SLC6A16: variants seen among roughly 807,000 people sequenced by gnomAD.
SLC6A16 encodes the protein solute carrier family 6 member 16.
A neutral mutation model predicts 65.4 loss-of-function variants in SLC6A16; 54 were observed. The observed-to-expected ratio is 0.83, with a 90% CI of 0.66 to 1.04. The LOEUF is 1.04. Among genes scored for constraint, SLC6A16 ranks in the 50% least tolerant of loss-of-function variants. SLC6A16 has a pLI of 0.00. For missense variants in SLC6A16, 816 were observed against 914.0 expected (o/e 0.89, Z 1.38); for synonymous variants, 330 against 346.5 (o/e 0.95, Z 0.53).
chr19:49,320,060 G>A (rs1019545212), intron 1 of SLC6A16, among the ~76,000 whole-genome samples: 2 of 152,002 alleles, frequency 1.3e-5, no homozygotes, highest in South Asian at 2.1e-4. Context: ...ATTTATGGGA[G>A]GCAACAAAAG....
the SLC6A16 span, among the ~76,000 whole-genome samples, chr19:49,332,999 T>TC: frequency 6.6e-6 from 1 of 151,014 alleles, no homozygotes. Flanking sequence ...CTGTCTGTAC[T>TC]AAAAATACAA....
chr19:49,289,731 C>G lies in SLC6A16; in HGVS notation c.*392G>C. ...CAGGAAAACTGAACATCTGAGACAT[C>G]TATAGGAAAAAAAGATCTGCTTACA... On this transcript the variant is annotated 3_prime_UTR_variant, in exon 12 of 12. Coordinates refer to ENST00000335875, the MANE Select transcript of SLC6A16 (RefSeq NM_014037.3). 1 of 190,832 alleles carries G rather than the reference C, an allele frequency of 5.2e-6. No individual in the cohort carries two copies. The highest frequency in any genetic ancestry group is 1.1e-5 in the Non-Finnish European group (1 of 93,324). 11.8% of individuals were successfully genotyped at this position (190,832 alleles called of 1,614,324 possible).
chr19:49,293,258 T>G lies in SLC6A16; in HGVS notation c.1743A>C (p.Glu581Asp), dbSNP rs1407241153. The change falls in exon 10 of 12, where the codon GAA becomes GAC. Residue 581 changes from glutamate to aspartate, a missense_variant. Transcript: ENST00000335875. ...CATAGGCCCAGGATACAGCCATGGT[T>G]TCAAATACGACAACGACGATGATGG... ...VFPIIVVVVF[E>D]TMAVSWAYGA... 6.2e-7 allele frequency: 1 copy of G among 1,614,118 alleles called. No individual in the cohort carries two copies. Among genetic ancestry groups the G allele is most frequent in the South Asian group, 1.1e-5 (1 of 91,072 alleles).
At chr19:49,318,900 A>G (rs1970661074) in intron 1 of SLC6A16, among the ~76,000 whole-genome samples, 1 of 136,252 alleles carries the variant, frequency 7.3e-6, no homozygotes, top group African/African-American at 2.8e-5. Context: ...TTTAGTAGAG[A>G]CAGGGTTTTG....
chr19:49,328,857 C>A (rs768557875), upstream of SLC6A16, among the ~76,000 whole-genome samples: 11 of 152,192 alleles, frequency 7.2e-5, no homozygotes, highest in Non-Finnish European at 1.3e-4. Flanking sequence ...TGAGGACACT[C>A]AAGCAATCTG....
chr19:49,294,075 TAAC>T, intron 8 of SLC6A16, 47 bp from the exon 9 acceptor site: 1 of 1,495,892 alleles, frequency 6.7e-7, no homozygotes, highest in South Asian at 1.1e-5. Context: ...AACTAAACAA[TAAC>T]AAAAAAATAT....
intron 7 of SLC6A16, among the ~76,000 whole-genome samples, chr19:49,307,051 CT>C (rs1197711801): frequency 1.1e-3 from 68 of 61,016 alleles, no homozygotes; most frequent in East Asian, 1.8e-3. Context: ...GTTTTATACA[CT>C]TTTTTTTTTT....
At chr19:49,337,001 G>T in the SLC6A16 span, 2 of 1,613,768 alleles carry the variant, frequency 1.2e-6, no homozygotes, top group East Asian at 4.5e-5. Context: ...TTGTGTGGGG[G>T]CCCTCAAGGA....
the SLC6A16 span, chr19:49,338,341 T>C: frequency 1.6e-6 from 1 of 608,016 alleles, no homozygotes; most frequent in Admixed American, 3.3e-5. This position sits in a 1 kb window ranked among gnomAD's most constrained non-coding sequence, Gnocchi z 5.0. Flanking sequence ...TACCCCGTAG[T>C]GACTCTGGCT....
the SLC6A16 span, chr19:49,340,068 C>T: frequency 1.3e-6 from 2 of 1,519,142 alleles, no homozygotes; most frequent in South Asian, 1.2e-5. Context: ...CAGCTATTCC[C>T]GCCTCATCAG....
rs1017752228 is a variant in SLC6A16, at chr19:49,315,823, T to A, written c.-64-4412A>T. On this transcript the variant is annotated intron_variant, in intron 1 of 11. Transcript: ENST00000335875. ...AAAAAAAAAAGATTATACTTAATAG[T>A]GAACATATGCTTAAACATAGGCACA... Among the ~76,000 whole-genome samples, 5 of 151,966 alleles carry A rather than the reference T, an allele frequency of 3.3e-5. No individual in the cohort carries two copies. The East Asian group carries it at 9.6e-4, about 29-fold the overall frequency.
intron 1 of SLC6A16, among the ~76,000 whole-genome samples, chr19:49,323,447 C>T (rs1970748056): frequency 6.6e-6 from 1 of 152,168 alleles, no homozygotes; most frequent in African/African-American, 2.4e-5. Context: ...GAGGAAATAT[C>T]TGAAAATCAT....
chr19:49,332,275 A>G, the SLC6A16 span: 8 of 456,708 alleles, frequency 1.8e-5, 1 homozygote, highest in South Asian at 1.2e-4. Context: ...GACACTTGTC[A>G]GCCGGGTGCG....
intron 1 of SLC6A16, among the ~76,000 whole-genome samples, chr19:49,315,416 C>T (rs1970598575): frequency 6.6e-6 from 1 of 152,122 alleles, no homozygotes; most frequent in African/African-American, 2.4e-5. Flanking sequence ...CTCCCTGAGA[C>T]AAATGATGCT....
chr19:49,339,428 C>T, the SLC6A16 span: 3 of 1,609,242 alleles, frequency 1.9e-6, no homozygotes, highest in South Asian at 1.1e-5. This position sits in a 1 kb window ranked among gnomAD's most constrained non-coding sequence, Gnocchi z 4.5. Flanking sequence ...TCTGGCCCCG[C>T]CCCCACCCGC....
intron 1 of SLC6A16, among the ~76,000 whole-genome samples, chr19:49,313,746 G>C (rs1303484053): frequency 6.6e-6 from 1 of 151,662 alleles, no homozygotes; most frequent in Non-Finnish European, 1.5e-5. Context: ...AGTAAGCCAA[G>C]ATCATACCAC....
chr19:49,328,498 G>A (rs1351868313), upstream of SLC6A16, among the ~76,000 whole-genome samples: 2 of 152,196 alleles, frequency 1.3e-5, no homozygotes, highest in African/African-American at 2.4e-5. Context: ...AGAGCCCAGT[G>A]AGGAGGAAAT....
intron 7 of SLC6A16, among the ~76,000 whole-genome samples, chr19:49,295,695 G>C (rs117097888): frequency 6.6e-6 from 1 of 152,202 alleles, no homozygotes; most frequent in Admixed American, 6.5e-5. Flanking sequence ...TTGTCCCAAA[G>C]ATGTATGCCA....
rs763553763 is a variant in SLC6A16, at chr19:49,290,604, C to T, written c.1941+1G>A. On this transcript the variant is annotated splice_donor_variant, in intron 11 of 11. Transcript: ENST00000335875. LOFTEE classifies it high-confidence loss of function. Reference sequence around the variant, plus strand: ...GGTTCTGGGTCCTGGGGGAGGCTCACGGTGCTTGAGTCCCAGGACATGTAG... The same window carrying T: ...GGTTCTGGGTCCTGGGGGAGGCTCATGGTGCTTGAGTCCCAGGACATGTAG... 58 of 1,613,848 alleles carry T rather than the reference C, an allele frequency of 3.6e-5. No homozygotes were observed. The highest frequency in any genetic ancestry group is 6.7e-5 in the East Asian group (3 of 44,880).
Sources: allele counts gnomAD v4.1 joint callset (sites outside exome capture counted in the v4.1 genomes callset), GRCh38; gene constraint gnomAD v4.1.1; non-coding constraint Gnocchi (gnomAD v3.1); transcripts MANE v1.5; gene names NCBI Gene and HGNC (gene_info 2026-07-23, HGNC 2026-07-21).